The following SORBS2 variants were observed in gnomAD, a reference collection of about 807,000 sequenced individuals.
SORBS2 encodes the protein sorbin and SH3 domain-containing protein 2.
In SORBS2, 46 loss-of-function variants were observed where a neutral mutation model predicts 97.7. The ratio of observed to expected loss-of-function variants is 0.47; its 90% CI spans 0.37 to 0.60. The LOEUF (loss-of-function observed/expected upper bound fraction) is 0.60, where lower values mean the gene tolerates loss of function less well. SORBS2 is among the 20% of genes least tolerant of loss of function. The pLI, the probability that SORBS2 is intolerant of heterozygous loss-of-function variation, is 0.00. For synonymous variants in SORBS2, 476 were observed against 473.4 expected (o/e 1.01, Z -0.07); for missense variants, 1,316 against 1,282.3 (o/e 1.03, Z -0.40).
intron 1 of SORBS2, among the ~76,000 whole-genome samples, chr4:185,835,757 G>A (rs1407735903): frequency 6.6e-6 from 1 of 150,960 alleles, no homozygotes; most frequent in Non-Finnish European, 1.5e-5. Context: ...AACATGATGG[G>A]ACTGGAGCCA....
intron 1 of SORBS2, among the ~76,000 whole-genome samples, chr4:185,858,643 A>C (rs1030226807): frequency 2.0e-5 from 3 of 152,184 alleles, no homozygotes; most frequent in African/African-American, 7.2e-5. Context: ...ACTAAGGGAG[A>C]GACACAGACA....
chr4:185,725,638 G>T (rs1428902482), intron 2 of SORBS2, among the ~76,000 whole-genome samples: 1 of 152,096 alleles, frequency 6.6e-6, no homozygotes, highest in Non-Finnish European at 1.5e-5. Flanking sequence ...CTTTGTTTTT[G>T]CTGTTGTTCA....
chr4:185,941,159 C>T (rs891344025), intron 1 of SORBS2, among the ~76,000 whole-genome samples: 12 of 152,150 alleles, frequency 7.9e-5, no homozygotes, highest in South Asian at 2.1e-4. Context: ...TACCACGTGC[C>T]GGACACCATT....
chr4:185,802,058 A>G (rs2099133559), intron 1 of SORBS2, among the ~76,000 whole-genome samples: 1 of 152,114 alleles, frequency 6.6e-6, no homozygotes, highest in Non-Finnish European at 1.5e-5. Context: ...TTAAAATACC[A>G]TTTTCTCTAA....
Position 185,751,190 on chromosome 4 carries a change from A to AAAAAAAAAAAAAAAAAAAG in SORBS2, c.-198+24036_-198+24037insCTTTTTTTTTTTTTTTTTT. ...TAAATACTAAAAAAAAAAAAAAAAA[A>AAAAAAAAAAAAAAAAAAAG]AGAGAAAGAGAGAGAAATTCAGGAA... is the stretch of plus-strand genomic sequence containing the variant. On this transcript the variant is annotated intron_variant, in intron 2 of 20. Transcript: ENST00000284776. Among the ~76,000 whole-genome samples, 254 of 86,400 alleles carry AAAAAAAAAAAAAAAAAAAG rather than the reference A, an allele frequency of 2.9e-3. 32 individuals are homozygous for AAAAAAAAAAAAAAAAAAAG. Among genetic ancestry groups the AAAAAAAAAAAAAAAAAAAG allele is most frequent in the Middle Eastern group, 6.7e-3 (1 of 150 alleles). The allele number at this position is 86,400 out of a possible 152,430, so 56.7% of individuals were successfully genotyped here. A position where few individuals can be genotyped will look rare whatever the true frequency, so the allele number is the denominator to read the frequency against.
intron 1 of SORBS2, among the ~76,000 whole-genome samples, chr4:185,883,272 A>G (rs1217820671): frequency 6.6e-6 from 1 of 152,264 alleles, no homozygotes; most frequent in African/African-American, 2.4e-5. Flanking sequence ...AAAAGAATAT[A>G]TATTATTGAC....
At chr4:185,677,181 G>C in intron 4 of SORBS2, 1 of 1,551,728 alleles carries the variant, frequency 6.4e-7, no homozygotes. Context: ...CACTGGATTA[G>C]GGGTCAGTGA....
At chr4:185,764,259 C>T (rs1011031294) in intron 2 of SORBS2, among the ~76,000 whole-genome samples, 1 of 152,120 alleles carries the variant, frequency 6.6e-6, no homozygotes, top group Non-Finnish European at 1.5e-5. Context: ...AAACAGAAAT[C>T]CTTTCTTCTC....
intron 1 of SORBS2, among the ~76,000 whole-genome samples, chr4:185,926,234 G>A (rs1294356519): frequency 6.6e-6 from 1 of 152,244 alleles, no homozygotes. Flanking sequence ...TGGCTGCAAT[G>A]CCAAGAGGGC....
chr4:185,671,315 C>T (rs1446661835), intron 4 of SORBS2, among the ~76,000 whole-genome samples: 1 of 152,150 alleles, frequency 6.6e-6, no homozygotes, highest in Non-Finnish European at 1.5e-5. Context: ...TATGGTTTTG[C>T]ATCTGGGAAA....
chr4:185,680,278 G>A (rs1471781150), intron 2 of SORBS2, among the ~76,000 whole-genome samples: 1 of 152,110 alleles, frequency 6.6e-6, no homozygotes, highest in African/African-American at 2.4e-5. Flanking sequence ...TGGTTAGCTG[G>A]GACTACAGGT....
chr4:185,859,038 C>G (rs757452093), intron 1 of SORBS2, among the ~76,000 whole-genome samples: 26 of 152,040 alleles, frequency 1.7e-4, no homozygotes, highest in Non-Finnish European at 3.4e-4. Flanking sequence ...TTTGGTGAAC[C>G]CAAAAGGCTA....
At chr4:185,624,063 T>A (rs1296696913) in exon 7 of SORBS2, 1 of 1,614,122 alleles carries the variant, frequency 6.2e-7, no homozygotes, top group Admixed American at 1.7e-5. Context: ...TTCTTGTACA[T>A]CTTCAGGAAC....
chr4:185,867,709 C>G lies in SORBS2; in HGVS notation c.-338+88487G>C, dbSNP rs181759819. Among the ~76,000 whole-genome samples the G allele has an allele frequency of 1.1e-3, 162 of 152,242 alleles. 1 individual carries two copies. The highest frequency in any genetic ancestry group is 5.3e-4 in the Non-Finnish European group (36 of 68,018). On this transcript the variant is annotated intron_variant, in intron 1 of 20. Transcript: ENST00000284776. ...GCAAAGGTCCTGACACCGGTCTAGG[C>G]TAGGATTGAAGGGAGGTCCCAGGCA...
rs1208491489 is a variant in SORBS2 at position 185,806,462 on chromosome 4, T to G, written c.-337-31096A>C. Among the ~76,000 whole-genome samples the G allele has an allele frequency of 1.4e-3, 50 of 34,892 alleles. 6 individuals are homozygous for G. The highest frequency in any genetic ancestry group is 5.4e-3 in the Admixed American group (16 of 2,952). 22.9% of individuals were successfully genotyped at this position (34,892 alleles called of 152,430 possible). A position where few individuals can be genotyped will look rare whatever the true frequency, so the allele number is the denominator to read the frequency against. On this transcript the variant is annotated intron_variant, in intron 1 of 20. Coordinates refer to the SORBS2 transcript ENST00000284776. Reference sequence around the variant, plus strand: ...TTTTTTTTTTTTTTTTTTTTTTTTTTTTTTTTTTTTTTTGAGACGGAGTCT... The same window carrying G: ...TTTTTTTTTTTTTTTTTTTTTTTTTGTTTTTTTTTTTTTGAGACGGAGTCT...
chr4:185,654,968 T>C (rs2097373328), intron 1 of SORBS2, among the ~76,000 whole-genome samples: 2 of 152,238 alleles, frequency 1.3e-5, no homozygotes, highest in Non-Finnish European at 2.9e-5. Context: ...TTCTATTTTT[T>C]TCTCCTTTTC....
At chr4:185,678,330 T>C (rs1365817860) in intron 4 of SORBS2, 93 bp downstream of exon 7, 6 of 1,048,756 alleles carry the variant, frequency 5.7e-6, no homozygotes, top group Admixed American at 7.3e-5. Context: ...AAATAAAACG[T>C]ATTGAAATAC....
At chr4:185,598,090 C>T (rs2096158570) in intron 12 of SORBS2, among the ~76,000 whole-genome samples, 1 of 152,174 alleles carries the variant, frequency 6.6e-6, no homozygotes, top group African/African-American at 2.4e-5. Flanking sequence ...GAACAATATA[C>T]ACTTGTGACA....
At chr4:185,659,544 G>C (rs1275516249), upstream of SORBS2, among the ~76,000 whole-genome samples, 2 of 151,748 alleles carry the variant, frequency 1.3e-5, no homozygotes, top group Non-Finnish European at 2.9e-5. Flanking sequence ...AGCCTCCCGA[G>C]TAGCTGGGAC....
Sources: gnomAD v4.1 joint callset for allele counts (sites outside exome capture counted in the v4.1 genomes callset) on GRCh38, gnomAD v4.1.1 for gene constraint, MANE v1.5 for transcripts, NCBI Gene and HGNC (gene_info 2026-07-23, HGNC 2026-07-21) for gene names.